Variants in DSCAM observed in about 807,000 individuals in gnomAD.
The protein encoded by DSCAM is cell adhesion molecule DSCAM.
DSCAM carries 47 observed loss-of-function variants against 217.7 expected under a neutral mutation model. The ratio of observed to expected loss-of-function variants is 0.22; its 90% CI spans 0.17 to 0.28. DSCAM has a LOEUF of 0.28. DSCAM is among the 10% of genes least tolerant of loss of function. The pLI, the probability that DSCAM is intolerant of heterozygous loss-of-function variation, is 1.00. For synonymous variants in DSCAM, 1,056 were observed against 1,015.3 expected, an observed-to-expected ratio of 1.04 and a Z score of -0.76; for missense variants, 2,080 against 2,618.3, an observed-to-expected ratio of 0.79 and a Z score of 4.49.
chr21:40,333,128 T>G (rs1374502094), intron 8 of DSCAM, among the ~76,000 whole-genome samples: 1 of 152,164 alleles, frequency 6.6e-6, no homozygotes, highest in Non-Finnish European at 1.5e-5. Flanking sequence ...GGAAAAGTAG[T>G]GGAGCTGCAT....
chr21:40,683,395 G>C (rs2090436315), intron 3 of DSCAM, among the ~76,000 whole-genome samples: 1 of 151,450 alleles, frequency 6.6e-6, no homozygotes, highest in South Asian at 2.1e-4. Context: ...TTTGCCAGAA[G>C]AAAGAGAAAG....
At chr21:40,118,900 C>T (rs923089434) in intron 20 of DSCAM, among the ~76,000 whole-genome samples, 1 of 152,134 alleles carries the variant, frequency 6.6e-6, no homozygotes, top group Non-Finnish European at 1.5e-5. Flanking sequence ...GGGTTTGGAG[C>T]GTACGTCATG....
chr21:40,254,226 C>A (rs2073341889), intron 11 of DSCAM, among the ~76,000 whole-genome samples: 1 of 152,140 alleles, frequency 6.6e-6, no homozygotes, highest in African/African-American at 2.4e-5. Context: ...TTTGCATGAT[C>A]TCCTCATATC....
intron 3 of DSCAM, among the ~76,000 whole-genome samples, chr21:40,622,602 C>G (rs946865242): frequency 2.6e-5 from 4 of 152,284 alleles, no homozygotes; most frequent in Middle Eastern, 3.4e-3. Context: ...TAAATAAAAT[C>G]TTTAATGCAT....
At chr21:40,088,258 T>C (rs1601317710) in intron 21 of DSCAM, among the ~76,000 whole-genome samples, 1 of 152,140 alleles carries the variant, frequency 6.6e-6, no homozygotes, top group Non-Finnish European at 1.5e-5. Flanking sequence ...AAGGCAGCCT[T>C]GAACTGATTC....
At chr21:40,309,981 C>CA (rs908580256) in intron 9 of DSCAM, among the ~76,000 whole-genome samples, 24 of 152,170 alleles carry the variant, frequency 1.6e-4, no homozygotes, top group African/African-American at 5.8e-4. Flanking sequence ...ATCCACACCT[C>CA]AAAATGGCTG....
At chr21:40,696,256 G>A (rs376731896) in intron 2 of DSCAM, among the ~76,000 whole-genome samples, 3 of 152,118 alleles carry the variant, frequency 2.0e-5, no homozygotes, top group Admixed American at 1.3e-4. Flanking sequence ...CAGAGAGAAC[G>A]GGGATCAGAA....
At chr21:40,254,232 A>G (rs773232160) in intron 11 of DSCAM, among the ~76,000 whole-genome samples, 2 of 152,182 alleles carry the variant, frequency 1.3e-5, no homozygotes, top group Non-Finnish European at 2.9e-5. Context: ...TGATCTCCTC[A>G]TATCATATCA....
intron 1 of DSCAM, among the ~76,000 whole-genome samples, chr21:40,710,761 T>C (rs2090771360): frequency 2.0e-5 from 3 of 152,218 alleles, no homozygotes; most frequent in Admixed American, 1.3e-4. Context: ...AATGAAGGCC[T>C]ACTTGTCACA....
intron 3 of DSCAM, among the ~76,000 whole-genome samples, chr21:40,585,468 T>C (rs2076939754): frequency 6.6e-6 from 1 of 150,858 alleles, no homozygotes; most frequent in Non-Finnish European, 1.5e-5. Flanking sequence ...AGAACACATA[T>C]GCAAAAGTTT....
At chr21:40,761,326 C>T (rs573874438) in intron 1 of DSCAM, among the ~76,000 whole-genome samples, 41 of 152,232 alleles carry the variant, frequency 2.7e-4, no homozygotes, top group Middle Eastern at 3.4e-3. Flanking sequence ...ACATGTATTT[C>T]CTGGCTCATG....
rs370849541 is a variant in DSCAM, at chr21:40,187,243, G to T, written c.2667C>A (p.Pro889=). The T allele has an allele frequency of 6.2e-7, 1 of 1,613,828 alleles. No individual in the cohort carries two copies. The highest frequency in any genetic ancestry group is 1.3e-5 in the African/African-American group (1 of 75,018). ...QLTVQEPPDP[P]EIEIKDVKAR... is the part of the protein sequence containing the mutation. ...CTTTGACATCTTTGATCTCAATTTC[G>T]GGAGGGTCTGGGGGCTCTGTGCCAT... The change falls in exon 14 of 33, where the codon CCC becomes CCA. Residue 889 remains proline (P), a synonymous_variant. Transcript: ENST00000400454.
chr21:40,371,088 A>C (rs562108971), intron 3 of DSCAM, among the ~76,000 whole-genome samples: 110 of 152,352 alleles, frequency 7.2e-4, no homozygotes, highest in African/African-American at 2.3e-3. Flanking sequence ...GGTAGTATAA[A>C]ATATCTTTAA....
intron 29 of DSCAM, among the ~76,000 whole-genome samples, chr21:40,053,446 G>A (rs2088965627): frequency 6.6e-6 from 1 of 152,286 alleles, no homozygotes; most frequent in African/African-American, 2.4e-5. Context: ...TTAATGATGG[G>A]ATATGTCACA....
chr21:40,126,635 GT>G, intron 19 of DSCAM, among the ~76,000 whole-genome samples: 1 of 152,232 alleles, frequency 6.6e-6, no homozygotes. Context: ...ATATTTATAT[GT>G]TTTAAGTTAA....
chr21:40,299,401 A>G (rs559613279), intron 9 of DSCAM, among the ~76,000 whole-genome samples: 2 of 152,256 alleles, frequency 1.3e-5, no homozygotes, highest in Admixed American at 6.5e-5. Context: ...GTGAGTTACA[A>G]TAAGAACTCT....
At chr21:40,565,011 C>T (rs750351522) in intron 3 of DSCAM, among the ~76,000 whole-genome samples, 1 of 152,132 alleles carries the variant, frequency 6.6e-6, no homozygotes, top group African/African-American at 2.4e-5. Flanking sequence ...ACACACATGA[C>T]CCAACACGGT....
intron 3 of DSCAM, among the ~76,000 whole-genome samples, chr21:40,531,124 C>A (rs199622095): frequency 4.7e-4 from 71 of 152,322 alleles, no homozygotes; most frequent in Non-Finnish European, 7.5e-4. Context: ...CAGCTACAAT[C>A]TCCTTCTTGG....
chr21:40,055,588 C>G (rs1324802432), intron 29 of DSCAM, 137 bp downstream of exon 29: 3 of 648,452 alleles, frequency 4.6e-6, no homozygotes, highest in Admixed American at 5.2e-5. Flanking sequence ...AAGAACAATT[C>G]TCTACCTTCT....
Sources: allele counts gnomAD v4.1 joint callset (sites outside exome capture counted in the v4.1 genomes callset), GRCh38; gene constraint gnomAD v4.1.1; transcripts MANE v1.5; gene names NCBI Gene and HGNC (gene_info 2026-07-23, HGNC 2026-07-21).